Variants in SYT9 observed in about 807,000 individuals in gnomAD.
SYT9 encodes synaptotagmin-9.
A neutral mutation model predicts 48.4 loss-of-function variants in SYT9; 22 were observed. That is an observed-to-expected ratio of 0.45 (90% CI 0.32 to 0.65). SYT9 has a LOEUF of 0.65. Ranked by LOEUF, SYT9 falls within the 30% of genes least tolerant of loss-of-function variation. The probability of loss-of-function intolerance (pLI) is 0.03; values close to 1 mark genes in which losing one functional copy is unlikely to be tolerated. For synonymous variants in SYT9, 265 were observed against 245.0 expected (o/e 1.08, Z -0.76); for missense variants, 577 against 622.0 (o/e 0.93, Z 0.77).
chr11:7,432,496 G>A (rs1847594637), intron 6 of SYT9, among the ~76,000 whole-genome samples: 1 of 142,600 alleles, frequency 7.0e-6, no homozygotes, highest in East Asian at 2.2e-4. Context: ...GCAGTGAGCT[G>A]AGATTGTGCC....
At chr11:7,266,019 A>G (rs1848174375) in intron 1 of SYT9, among the ~76,000 whole-genome samples, 1 of 152,138 alleles carries the variant, frequency 6.6e-6, no homozygotes, top group African/African-American at 2.4e-5. Context: ...GAAGCTGGAC[A>G]AGAATGAGGA....
chr11:7,418,219 G>C, intron 5 of SYT9, 91 bp downstream of exon 5: 2 of 1,412,130 alleles, frequency 1.4e-6, no homozygotes, highest in South Asian at 2.6e-5. Context: ...ATTCTTACCT[G>C]GTGTCCCAGG....
intron 2 of SYT9, 85 bp from the exon 3 acceptor site, chr11:7,313,310 G>A: frequency 7.2e-7 from 1 of 1,381,664 alleles, no homozygotes; most frequent in Admixed American, 2.5e-5. Context: ...AAATATAACA[G>A]TCTACCTACA....
At chr11:7,253,876 T>C (rs1251772590) in intron 1 of SYT9, among the ~76,000 whole-genome samples, 1 of 152,212 alleles carries the variant, frequency 6.6e-6, no homozygotes, top group Non-Finnish European at 1.5e-5. Flanking sequence ...TTTTGCATGC[T>C]TTGCCCAAAG....
intron 5 of SYT9, 117 bp downstream of exon 5, chr11:7,418,245 C>A: frequency 8.8e-7 from 1 of 1,134,888 alleles, no homozygotes; most frequent in Non-Finnish European, 1.3e-6. Context: ...GGAAATGAGT[C>A]AACTAGCAGT....
intron 6 of SYT9, among the ~76,000 whole-genome samples, chr11:7,432,084 C>T (rs1478395132): frequency 1.3e-5 from 2 of 152,200 alleles, no homozygotes; most frequent in African/African-American, 4.8e-5. Context: ...AGCTTGCACC[C>T]TGTGCCTGGA....
chr11:7,363,124 A>C (rs1024620585), intron 3 of SYT9, among the ~76,000 whole-genome samples: 4 of 151,648 alleles, frequency 2.6e-5, no homozygotes, highest in Non-Finnish European at 2.9e-5. Context: ...CACTAGTACT[A>C]TCTGGGCCCA....
rs558576938 is a variant in SYT9, at chr11:7,452,940, G to A, written c.1468-13852G>A. On this transcript the variant is annotated intron_variant, in intron 6 of 6. Transcript: ENST00000318881. ...TGGGATTACAGTCATGCACCACCACGCCCAGCTAATTTTGTATTTTTAGTA... is the reference window on the plus strand; with the variant it reads ...TGGGATTACAGTCATGCACCACCACACCCAGCTAATTTTGTATTTTTAGTA... 2.1e-4 allele frequency among the ~76,000 whole-genome samples: 32 copies of A among 152,094 alleles called. No homozygotes were observed. The East Asian group carries it at 5.1e-3, about 24-fold the overall frequency.
At chr11:7,309,204 A>G (rs566659561) in intron 2 of SYT9, among the ~76,000 whole-genome samples, 221 of 152,274 alleles carry the variant, frequency 1.5e-3, no homozygotes, top group African/African-American at 5.1e-3. Flanking sequence ...TTGCCCACCC[A>G]GAGAGAGAAT....
chr11:7,355,656 A>G (rs932273288), intron 3 of SYT9, among the ~76,000 whole-genome samples: 2 of 152,208 alleles, frequency 1.3e-5, no homozygotes, highest in African/African-American at 4.8e-5. Context: ...CATCACTTAT[A>G]TGCTATTGCG....
intron 1 of SYT9, among the ~76,000 whole-genome samples, chr11:7,263,389 G>A (rs1379372196): frequency 6.6e-6 from 1 of 152,136 alleles, no homozygotes; most frequent in Non-Finnish European, 1.5e-5. Flanking sequence ...TCATAGTCTA[G>A]TCACTTCCCC....
chr11:7,323,806 A>T (rs939246676), intron 3 of SYT9, among the ~76,000 whole-genome samples: 6 of 151,726 alleles, frequency 4.0e-5, no homozygotes, highest in African/African-American at 1.4e-4. Context: ...GTGTGTGTGT[A>T]TGCGTGTGTG....
At chr11:7,382,161 C>A (rs72856469) in intron 3 of SYT9, among the ~76,000 whole-genome samples, 10,244 of 152,242 alleles carry the variant, frequency 0.067, 454 homozygotes, top group Middle Eastern at 0.16. Flanking sequence ...GACATAGGAT[C>A]CTATGATATT....
upstream of SYT9, among the ~76,000 whole-genome samples, chr11:7,251,498 C>G (rs1847867219): frequency 6.6e-6 from 1 of 152,206 alleles, no homozygotes; most frequent in Admixed American, 6.5e-5. Flanking sequence ...GGGCATCTGA[C>G]ACCCATAGGC....
At chr11:7,244,343 G>A (rs532094158) in intron 1 of SYT9, among the ~76,000 whole-genome samples, 12 of 152,272 alleles carry the variant, frequency 7.9e-5, no homozygotes, top group Middle Eastern at 3.4e-3. Context: ...ATGGTGCAAC[G>A]ATAACACACA....
At chr11:7,350,003 A>T (rs1849880876) in intron 3 of SYT9, among the ~76,000 whole-genome samples, 1 of 152,176 alleles carries the variant, frequency 6.6e-6, no homozygotes, top group African/African-American at 2.4e-5. Context: ...TGCTTTCATC[A>T]CACTCCACCC....
intron 3 of SYT9, among the ~76,000 whole-genome samples, chr11:7,375,939 G>A (rs1434178126): frequency 6.6e-6 from 1 of 151,842 alleles, no homozygotes; most frequent in East Asian, 1.9e-4. Flanking sequence ...CTTCCTTCAG[G>A]TCTCCTCTTA....
intron 6 of SYT9, among the ~76,000 whole-genome samples, chr11:7,465,356 G>A (rs1848312499): frequency 6.6e-6 from 1 of 152,184 alleles, no homozygotes; most frequent in African/African-American, 2.4e-5. Context: ...CCTCACATGT[G>A]AACTTTTGAT....
At chr11:7,293,601 A>G (rs996086932) in intron 1 of SYT9, among the ~76,000 whole-genome samples, 2 of 152,220 alleles carry the variant, frequency 1.3e-5, no homozygotes, top group African/African-American at 4.8e-5. Flanking sequence ...AGATACAGAC[A>G]TTGTTGTGTA....
Sources: gnomAD v4.1 joint callset for allele counts (sites outside exome capture counted in the v4.1 genomes callset) on GRCh38, gnomAD v4.1.1 for gene constraint, MANE v1.5 for transcripts, NCBI Gene and HGNC (gene_info 2026-07-23, HGNC 2026-07-21) for gene names.